The following ADAM19 variants were observed in gnomAD, a reference collection of about 807,000 sequenced individuals.
ADAM19 encodes ADAM metallopeptidase domain 19.
A neutral mutation model predicts 114.7 loss-of-function variants in ADAM19; 65 were observed. That is an observed-to-expected ratio of 0.57 (90% CI 0.46 to 0.70). The LOEUF (loss-of-function observed/expected upper bound fraction) is 0.70. Ranked by LOEUF, ADAM19 falls within the 30% of genes least tolerant of loss-of-function variation. ADAM19 has a pLI of 0.00. For missense variants in ADAM19, 1,063 were observed against 1,204.7 expected, an observed-to-expected ratio of 0.88 and a Z score of 1.74; for synonymous variants, 466 against 460.5, an observed-to-expected ratio of 1.01 and a Z score of -0.15.
chr5:157,516,296 C>G (rs1199998235), intron 7 of ADAM19, among the ~76,000 whole-genome samples: 1 of 152,182 alleles, frequency 6.6e-6, no homozygotes, highest in Non-Finnish European at 1.5e-5. Flanking sequence ...TCCACCACAG[C>G]TGCATGAATC....
Position 157,479,225 on chromosome 5 carries a change from C to T in ADAM19, c.*1724G>A. 1.0e-6 allele frequency: 1 copy of T among 985,912 alleles called. No homozygotes were observed. Among genetic ancestry groups the T allele is most frequent in the Non-Finnish European group, 1.2e-6 (1 of 829,984 alleles). The allele number at this position is 985,912 out of a possible 1,614,324, so 61.1% of individuals were successfully genotyped here. On this transcript the variant is annotated 3_prime_UTR_variant, in exon 23 of 23. Transcript: ENST00000257527. ...GAGATCTTTCTAAACCCAACCCAGG[C>T]TTTTCCCCCAGGGGTACATCCCGTA...
At position 157,505,777 on chromosome 5, in the gene ADAM19, G is replaced by A; in HGVS notation, c.1022C>T (p.Ala341Val). 6.2e-7 allele frequency: 1 copy of A among 1,614,002 alleles called. No individual in the cohort carries two copies. Among genetic ancestry groups the A allele is most frequent in the Non-Finnish European group, 8.5e-7 (1 of 1,179,952 alleles). The change falls in exon 11 of 23, where the codon GCC becomes GTC. Residue 341 changes from alanine (A) to valine (V), a missense_variant. Physicochemically the swap from Ala to Val is moderately conservative, Grantham distance 64. Around this residue, in one of 3 missense-constraint regions of ADAM19, gnomAD observed 615 missense variants for 706.3 expected, o/e 0.87. Transcript: ENST00000257527. ...DHSENAIGVA[A>V]TMAHEMGHNF... ...GTGGCCCATCTCGTGGGCCATGGTG[G>A]CAGCCACGCCAATGGCATTCTCGGA...
At chr5:157,559,825 C>T (rs1435432652) in intron 3 of ADAM19, among the ~76,000 whole-genome samples, 1 of 152,180 alleles carries the variant, frequency 6.6e-6, no homozygotes, top group Non-Finnish European at 1.5e-5. Context: ...CCTAGAAGTT[C>T]GTCCCCAACT....
chr5:157,557,139 C>T (rs1757389234), intron 3 of ADAM19, among the ~76,000 whole-genome samples: 1 of 152,142 alleles, frequency 6.6e-6, no homozygotes. Flanking sequence ...AACTCCTGGG[C>T]TCGCGTGATC....
At chr5:157,522,753 T>C (rs1405822659) in intron 5 of ADAM19, among the ~76,000 whole-genome samples, 1 of 151,928 alleles carries the variant, frequency 6.6e-6, no homozygotes, top group African/African-American at 2.4e-5. Context: ...ACCACTGCAC[T>C]CCAGCCTGGG....
chr5:157,542,895 G>C (rs879700218), intron 3 of ADAM19, among the ~76,000 whole-genome samples: 2 of 152,236 alleles, frequency 1.3e-5, no homozygotes, highest in African/African-American at 2.4e-5. Flanking sequence ...TATGGGAAGA[G>C]TGTGGCTTTG....
chr5:157,530,942 A>G, intron 4 of ADAM19, 59 bp from the exon 5 acceptor site: 1 of 1,411,432 alleles, frequency 7.1e-7, no homozygotes, highest in South Asian at 1.2e-5. Context: ...GGCAATGTTA[A>G]TATCTCAGGA....
chr5:157,570,043 T>G (rs1377563204), intron 2 of ADAM19, among the ~76,000 whole-genome samples: 1 of 152,178 alleles, frequency 6.6e-6, no homozygotes, highest in East Asian at 1.9e-4. Flanking sequence ...GCGGATCACT[T>G]GAGGTCAGGA....
At chr5:157,506,235 A>G (rs1387700495) in intron 10 of ADAM19, among the ~76,000 whole-genome samples, 2 of 152,148 alleles carry the variant, frequency 1.3e-5, no homozygotes, top group Non-Finnish European at 2.9e-5. Flanking sequence ...AGACAGATAC[A>G]CTCCAGGCAC....
intron 2 of ADAM19, among the ~76,000 whole-genome samples, chr5:157,570,138 T>C (rs921005441): frequency 2.6e-5 from 4 of 152,132 alleles, no homozygotes; most frequent in Non-Finnish European, 5.9e-5. Flanking sequence ...CACACACATG[T>C]AATCTCAGCT....
intron 3 of ADAM19, among the ~76,000 whole-genome samples, chr5:157,542,865 G>A (rs75763740): frequency 0.014 from 2,123 of 152,348 alleles, 41 homozygotes; most frequent in African/African-American, 0.048. Context: ...TCAGAGGCCT[G>A]TCTACGGTTC....
Position 157,496,971 on chromosome 5 carries a change from CA to C in ADAM19, c.1516del (p.Cys506ValfsTer39). On this transcript the variant is annotated frameshift_variant, in exon 14 of 23. Transcript: ENST00000257527. LOFTEE classifies it high-confidence loss of function. ...GTAGCAGTAGGCCTGGCCGCCCTCA[CA>C]GGGGGTACCATCCATCTGGTAGAAG... ...TNFYQMDGTP[C>X]EGGQAYCYNG... 6.3e-7 allele frequency: 1 copy of C among 1,598,580 alleles called. No homozygotes were observed. Among genetic ancestry groups the C allele is most frequent in the Non-Finnish European group, 8.5e-7 (1 of 1,173,468 alleles).
chr5:157,497,155 G>T (rs1755391674), intron 13 of ADAM19, 66 bp from the exon 14 acceptor site: 2 of 1,353,280 alleles, frequency 1.5e-6, no homozygotes, highest in Non-Finnish European at 9.6e-7. Flanking sequence ...GTTGCCCAAG[G>T]GCTCATAAGG....
At chr5:157,564,165 G>A (rs1245518719) in intron 3 of ADAM19, among the ~76,000 whole-genome samples, 2 of 152,170 alleles carry the variant, frequency 1.3e-5, no homozygotes, top group African/African-American at 4.8e-5. Context: ...GGAAATTTTA[G>A]CAACACATTT....
chr5:157,524,116 G>A (rs924178533), intron 5 of ADAM19, among the ~76,000 whole-genome samples: 5 of 152,242 alleles, frequency 3.3e-5, no homozygotes, highest in Non-Finnish European at 5.9e-5. Flanking sequence ...GTTGCTGGGG[G>A]AATGTCTGAG....
chr5:157,491,826 A>G lies in ADAM19; in HGVS notation c.1986+9T>C. On this transcript the variant is annotated intron_variant, in intron 17 of 22. Transcript: ENST00000257527. The stretch of plus-strand genomic sequence containing the variant: ...CCATGACACAGAGAAGCCAGAACCC[A>G]GCACGCACCCCATGGCCATTGCACT... The G allele has an allele frequency of 6.2e-7, 1 of 1,614,228 alleles. No individual in the cohort carries two copies. The highest frequency in any genetic ancestry group is 8.5e-7 in the Non-Finnish European group (1 of 1,180,026).
chr5:157,569,942 CTT>C (rs1464133076), intron 2 of ADAM19, among the ~76,000 whole-genome samples: 1 of 152,208 alleles, frequency 6.6e-6, no homozygotes, highest in Admixed American at 6.5e-5. Context: ...CTTTCTTGCT[CTT>C]TCACGTCTCA....
Position 157,480,846 on chromosome 5 carries a change from G to A in ADAM19, c.*103C>T, listed in dbSNP as rs1282762611. 2 of 1,571,078 alleles carry A rather than the reference G, an allele frequency of 1.3e-6. No homozygotes were observed. Among genetic ancestry groups the A allele is most frequent in the South Asian group, 1.2e-5 (1 of 85,072 alleles). On this transcript the variant is annotated 3_prime_UTR_variant, in exon 23 of 23. Coordinates refer to ENST00000257527, the MANE Select transcript of ADAM19 (RefSeq NM_033274.5). Reference sequence around the variant, plus strand: ...TGGAGGTTCCTGGAGGAGGGTGGGAGGAGCTCAGAGGCGGCCAGACATGCT... The same window carrying A: ...TGGAGGTTCCTGGAGGAGGGTGGGAAGAGCTCAGAGGCGGCCAGACATGCT...
intron 7 of ADAM19, among the ~76,000 whole-genome samples, chr5:157,515,762 T>A (rs967171004): frequency 6.6e-6 from 1 of 152,212 alleles, no homozygotes; most frequent in African/African-American, 2.4e-5. Flanking sequence ...TGTGCCAGCA[T>A]CATGGAAGTC....
Sources: allele counts gnomAD v4.1 joint callset (sites outside exome capture counted in the v4.1 genomes callset), GRCh38; gene constraint gnomAD v4.1.1; regional missense constraint gnomAD v4.1.1; transcripts MANE v1.5; gene names NCBI Gene and HGNC (gene_info 2026-07-23, HGNC 2026-07-21).